CDH13: variants seen among roughly 807,000 people sequenced by gnomAD.
CDH13 encodes the protein cadherin-13.
A neutral mutation model predicts 63.8 loss-of-function variants in CDH13; 24 were observed. The observed-to-expected ratio is 0.38, with a 90% confidence interval of 0.27 to 0.53. The LOEUF is 0.53. CDH13 is among the 20% of genes least tolerant of loss of function. The pLI is 0.85. For missense variants in CDH13, 1,049 were observed against 903.1 expected, an observed-to-expected ratio of 1.16 and a Z score of -2.07; for synonymous variants, 503 against 355.3, an observed-to-expected ratio of 1.42 and a Z score of -4.67.
intron 2 of CDH13, among the ~76,000 whole-genome samples, chr16:82,932,828 G>A (rs1211254960): frequency 2.0e-5 from 3 of 152,126 alleles, no homozygotes. Context: ...AACTTAATAG[G>A]AACAAATGTA....
intron 2 of CDH13, among the ~76,000 whole-genome samples, chr16:83,000,980 C>G (rs1189536757): frequency 1.3e-5 from 2 of 152,194 alleles, no homozygotes; most frequent in Non-Finnish European, 2.9e-5. Context: ...CTCAGCTACC[C>G]CTTCCAAACC....
intron 7 of CDH13, among the ~76,000 whole-genome samples, chr16:83,601,124 A>G (rs1907750251): frequency 6.6e-6 from 1 of 152,172 alleles, no homozygotes; most frequent in African/African-American, 2.4e-5. Flanking sequence ...CTCATTCCAA[A>G]AGTTCAATCG....
In CDH13 at chr16:83,558,545, G is replaced by A. The variant is rs62042321; in HGVS notation, c.961-43909G>A. ...AAGCAACGTGGACCACAGGTCTTGG[G>A]CACCTTAAATAATTTATATTTAAAA... On this transcript the variant is annotated intron_variant, in intron 7 of 13. Transcript: ENST00000567109. Among the ~76,000 whole-genome samples the A allele has an allele frequency of 6.1e-3, 935 of 152,240 alleles. 9 individuals are homozygous for A. The highest frequency in any genetic ancestry group is 0.037 in the Middle Eastern group (11 of 294).
At chr16:82,728,421 T>C (rs1239049238) in intron 1 of CDH13, among the ~76,000 whole-genome samples, 3 of 144,190 alleles carry the variant, frequency 2.1e-5, no homozygotes, top group Non-Finnish European at 4.5e-5. Flanking sequence ...ATAAAGTGAA[T>C]ATTACAATAA....
chr16:83,748,787 C>T (rs1268227236), intron 11 of CDH13, among the ~76,000 whole-genome samples: 1 of 152,202 alleles, frequency 6.6e-6, no homozygotes, highest in Non-Finnish European at 1.5e-5. Context: ...TGATTAGATG[C>T]TGGGGGCGCA....
intron 3 of CDH13, among the ~76,000 whole-genome samples, chr16:83,090,224 C>G (rs531974490): frequency 4.6e-4 from 70 of 152,278 alleles, no homozygotes; most frequent in Non-Finnish European, 2.8e-4. Flanking sequence ...CCAGCCCAGT[C>G]TACAGCATGT....
At chr16:83,062,059 G>A (rs1230811663) in intron 3 of CDH13, among the ~76,000 whole-genome samples, 1 of 152,230 alleles carries the variant, frequency 6.6e-6, no homozygotes, top group Non-Finnish European at 1.5e-5. Context: ...CAGGATGGCT[G>A]AGGCTTTAGA....
At position 83,525,950 on chromosome 16, in the gene CDH13, T is replaced by G. The variant is rs559430087; in HGVS notation, c.960+39295T>G. The stretch of plus-strand genomic sequence containing the variant: ...AGCTGGAAAAAGTGAAGAAATGGAG[T>G]TTCCCCTGGAGCCTCTGGAAAGGAG... On this transcript the variant is annotated intron_variant, in intron 7 of 13. Transcript: ENST00000567109. Among the ~76,000 whole-genome samples, 14 of 151,834 alleles carry G rather than the reference T, an allele frequency of 9.2e-5. 1 individual carries two copies. Among genetic ancestry groups the G allele is most frequent in the African/African-American group, 3.4e-4 (14 of 41,376 alleles).
At chr16:83,740,297 C>G (rs1911939201) in intron 10 of CDH13, among the ~76,000 whole-genome samples, 1 of 151,862 alleles carries the variant, frequency 6.6e-6, no homozygotes. Flanking sequence ...GCCGGGGATT[C>G]ACACTCTGTG....
In CDH13 at chr16:82,940,670, A is replaced by G. The variant is rs1904277322; in HGVS notation, c.157+82197A>G. Among the ~76,000 whole-genome samples the G allele has an allele frequency of 2.6e-5, 4 of 152,032 alleles. No individual in the cohort carries two copies. In the South Asian group the frequency reaches 8.3e-4, roughly 31 times the overall value. ...AATCAGCGTCTACGTTTGTTTTCTA[A>G]TTTTCTTTTGCTCACACATACTGTG... On this transcript the variant is annotated intron_variant, in intron 2 of 13. Transcript: ENST00000567109.
chr16:82,714,878 C>G (rs970002668), intron 1 of CDH13, among the ~76,000 whole-genome samples: 27 of 137,804 alleles, frequency 2.0e-4, no homozygotes, highest in African/African-American at 6.6e-4. Flanking sequence ...CCATCTAGAG[C>G]CTTCAGAAAG....
At chr16:83,777,184 G>A (rs553543146) in intron 11 of CDH13, among the ~76,000 whole-genome samples, 2 of 152,322 alleles carry the variant, frequency 1.3e-5, no homozygotes, top group South Asian at 4.1e-4. Context: ...CCAATCGTGT[G>A]CTTTCTGAAG....
At chr16:82,979,977 G>T (rs1334515353) in intron 2 of CDH13, among the ~76,000 whole-genome samples, 1 of 152,158 alleles carries the variant, frequency 6.6e-6, no homozygotes, top group African/African-American at 2.4e-5. Flanking sequence ...ATGACTCACT[G>T]AAATTTAATC....
intron 6 of CDH13, among the ~76,000 whole-genome samples, chr16:83,424,629 AAAGG>A (rs2071830559): frequency 6.6e-6 from 1 of 152,230 alleles, no homozygotes; most frequent in African/African-American, 2.4e-5. Context: ...TCAAAAATAA[AAAGG>A]AAGAAATTAC....
At chr16:83,311,655 A>T (rs1184188314) in intron 5 of CDH13, among the ~76,000 whole-genome samples, 1 of 152,220 alleles carries the variant, frequency 6.6e-6, no homozygotes, top group African/African-American at 2.4e-5. Flanking sequence ...TGTTCTGTAC[A>T]TAGCATAGGA....
chr16:83,108,263 A>T (rs2034882400), intron 3 of CDH13, among the ~76,000 whole-genome samples: 1 of 152,076 alleles, frequency 6.6e-6, no homozygotes, highest in Non-Finnish European at 1.5e-5. Flanking sequence ...CAGAGGAAGG[A>T]CCCTTAGGTG....
intron 2 of CDH13, among the ~76,000 whole-genome samples, chr16:82,881,957 G>T (rs2040718274): frequency 1.3e-5 from 2 of 152,060 alleles, no homozygotes; most frequent in East Asian, 1.9e-4. Flanking sequence ...ACTAATTCCT[G>T]TCTTTCAAGA....
chr16:83,672,500 C>T (rs1169316975), intron 9 of CDH13, among the ~76,000 whole-genome samples: 4 of 134,516 alleles, frequency 3.0e-5, no homozygotes, highest in Non-Finnish European at 4.6e-5. Context: ...TCTTGGCTCA[C>T]TGCAACCTCC....
intron 2 of CDH13, among the ~76,000 whole-genome samples, chr16:83,008,098 C>A (rs1913734758): frequency 6.6e-6 from 1 of 151,958 alleles, no homozygotes. Flanking sequence ...AGAGAGCTAC[C>A]ATGTATGAGG....
Sources: gnomAD v4.1 joint callset for allele counts (sites outside exome capture counted in the v4.1 genomes callset) on GRCh38, gnomAD v4.1.1 for gene constraint, MANE v1.5 for transcripts, NCBI Gene and HGNC (gene_info 2026-07-23, HGNC 2026-07-21) for gene names.